The following TAF2 variants were observed in gnomAD, a reference collection of about 807,000 sequenced individuals.
TAF2 encodes the protein transcription initiation factor TFIID subunit 2.
A neutral mutation model predicts 138.5 loss-of-function variants in TAF2; 61 were observed. That is an observed-to-expected ratio of 0.44 (90% CI 0.36 to 0.54). TAF2 has a LOEUF of 0.54. TAF2 is among the 20% of genes least tolerant of loss of function. TAF2 has a pLI of 0.00. For synonymous variants in TAF2, 475 were observed against 469.9 expected, an observed-to-expected ratio of 1.01 and a Z score of -0.14; for missense variants, 1,090 against 1,427.9, an observed-to-expected ratio of 0.76 and a Z score of 3.81.
Position 119,781,069 on chromosome 8 carries a change from C to A in TAF2, c.2237G>T (p.Ser746Ile). ...AAACTGTACCTTCTGTAGAAAATAG[C>A]TTTGAAAGCTCATAAAGTTGTTTGT... ...VKTNNFMSFQSYFLQKTMPVA... is the reference protein window; with the variant it reads ...VKTNNFMSFQIYFLQKTMPVA... The change falls in exon 17 of 26, where the codon AGC becomes ATC. Residue 746 changes from serine (S) to isoleucine (I), a missense_variant. Physicochemically the swap from Ser to Ile is moderately radical, Grantham distance 142 (BLOSUM62 -2). Coordinates refer to ENST00000378164, the MANE Select transcript of TAF2 (RefSeq NM_003184.4). 6.2e-7 allele frequency: 1 copy of A among 1,612,934 alleles called. No individual in the cohort carries two copies. The highest frequency in any genetic ancestry group is 1.1e-5 in the South Asian group (1 of 90,980).
chr8:119,788,533 AG>A, intron 13 of TAF2, 86 bp from the exon 14 acceptor site: 3 of 1,178,750 alleles, frequency 2.5e-6, no homozygotes, highest in East Asian at 2.4e-5. Flanking sequence ...ATATAAATCA[AG>A]ATATAAAATA....
At chr8:119,798,974 A>G (rs1299110153) in intron 6 of TAF2, among the ~76,000 whole-genome samples, 1 of 152,168 alleles carries the variant, frequency 6.6e-6, no homozygotes, top group Non-Finnish European at 1.5e-5. Context: ...GACAAATCCT[A>G]CAAGACAGCA....
In TAF2 at chr8:119,788,882, AT is replaced by A. The variant is rs1823221033; in HGVS notation, c.1590del (p.Lys530AsnfsTer19). ...CTATTAAATGCAAAACTTCCATAAA[AT>A]TTTACCACTCCACTCTGATCTCTGA... Reference protein sequence around the residue: ...KQWVDQSGVVKFYGSFAFNRK... With the variant: ...KQWVDQSGVVXFYGSFAFNRK... On this transcript the variant is annotated frameshift_variant, in exon 13 of 26. Coordinates refer to ENST00000378164, the MANE Select transcript of TAF2 (RefSeq NM_003184.4). LOFTEE classifies it high-confidence loss of function. The A allele has an allele frequency of 6.2e-7, 1 of 1,612,288 alleles. No individual in the cohort carries two copies. Among genetic ancestry groups the A allele is most frequent in the Non-Finnish European group, 8.5e-7 (1 of 1,178,416 alleles).
At position 119,791,447 on chromosome 8, in the gene TAF2, A is replaced by G. The variant is rs1243785229; in HGVS notation, c.1290T>C (p.His430=). Residue 430 remains histidine (H), a synonymous_variant, in exon 11 of 26, where the codon CAT becomes CAC. Coordinates refer to ENST00000378164, the MANE Select transcript of TAF2 (RefSeq NM_003184.4). ...GGKEKDNPAS[H]LHFSIKHPHT... ...GTGGATGCTTTATTGAAAAGTGTAG[A>G]TGGGAAGCCGGACTAAAAAAAATAA... is the stretch of plus-strand genomic sequence containing the variant. The G allele has an allele frequency of 1.2e-6, 2 of 1,613,636 alleles. No homozygotes were observed. The highest frequency in any genetic ancestry group is 1.7e-6 in the Non-Finnish European group (2 of 1,179,762).
intron 15 of TAF2, among the ~76,000 whole-genome samples, chr8:119,784,577 G>C (rs1257885716): frequency 1.3e-5 from 2 of 152,112 alleles, no homozygotes; most frequent in Non-Finnish European, 2.9e-5. Context: ...TGGCAATCAA[G>C]TTAGTAAATA....
At chr8:119,814,766 G>A (rs1191277156) in intron 3 of TAF2, among the ~76,000 whole-genome samples, 18 of 147,428 alleles carry the variant, frequency 1.2e-4, no homozygotes, top group Non-Finnish European at 7.4e-5. Context: ...AAAATTAGCC[G>A]GGTGTGGTGG....
chr8:119,821,544 T>C (rs982341684), intron 2 of TAF2, among the ~76,000 whole-genome samples: 3 of 152,202 alleles, frequency 2.0e-5, no homozygotes, highest in Non-Finnish European at 4.4e-5. Flanking sequence ...GGGTCACTTA[T>C]AGGATTTTAT....
chr8:119,780,659 G>C (rs1822575952), intron 17 of TAF2, among the ~76,000 whole-genome samples: 1 of 152,146 alleles, frequency 6.6e-6, no homozygotes, highest in Non-Finnish European at 1.5e-5. Flanking sequence ...AAAGAGGCCG[G>C]GCGCGGTGGC....
intron 9 of TAF2, among the ~76,000 whole-genome samples, chr8:119,794,194 G>A (rs1025538275): frequency 1.3e-5 from 2 of 152,038 alleles, no homozygotes; most frequent in East Asian, 1.9e-4. Flanking sequence ...TCAGAAGTTC[G>A]AGACCATCCT....
intron 2 of TAF2, among the ~76,000 whole-genome samples, chr8:119,820,899 G>GT (rs1825767715): frequency 6.6e-6 from 1 of 152,214 alleles, no homozygotes; most frequent in African/African-American, 2.4e-5. Flanking sequence ...ATGAGCTGCT[G>GT]TAGGAAGGAA....
Position 119,746,691 on chromosome 8 carries a change from C to T in TAF2, c.3108+14G>A, listed in dbSNP as rs1819999252. The T allele has an allele frequency of 1.2e-6, 2 of 1,606,760 alleles. No homozygotes were observed. Among genetic ancestry groups the T allele is most frequent in the South Asian group, 1.1e-5 (1 of 90,940 alleles). ...TAATGAAACTACGTCTTCTGTAATA[C>T]ATGTGATTCTTACAGGGTTCTGAAA... is the stretch of plus-strand genomic sequence containing the variant. On this transcript the variant is annotated intron_variant, in intron 23 of 25. Transcript: ENST00000378164.
At chr8:119,762,328 C>G in intron 19 of TAF2, 87 bp downstream of exon 19, 1 of 1,314,536 alleles carries the variant, frequency 7.6e-7, no homozygotes, top group Non-Finnish European at 1.1e-6. Context: ...TTTTACTTTA[C>G]TATATTTCCC....
intron 18 of TAF2, among the ~76,000 whole-genome samples, chr8:119,764,780 A>G (rs1821310119): frequency 2.0e-5 from 3 of 152,200 alleles, no homozygotes; most frequent in South Asian, 4.1e-4. Flanking sequence ...AATGTATAAA[A>G]CATCTTCCTC....
At position 119,819,418 on chromosome 8, in the gene TAF2, C is replaced by T. The variant is rs1420612591; in HGVS notation, c.227G>A (p.Arg76Lys). ...NSKQCRIYRV[R>K]INDLEAAFIY... ...AAAAGCAGCCTCTAAATCATTGATC[C>T]TTACTCGGTATATTCTACACTGTTT... Residue 76 changes from arginine to lysine, a missense_variant, in exon 3 of 26, where the codon AGG becomes AAG. By Grantham distance (26) the Arg-to-Lys change is conservative. This residue lies in a region of TAF2 where 504 missense variants were observed against 680.9 expected (regional missense o/e 0.74). Transcript: ENST00000378164. The T allele has an allele frequency of 6.2e-7, 1 of 1,612,796 alleles. No homozygotes were observed. The highest frequency in any genetic ancestry group is 1.7e-5 in the Admixed American group (1 of 60,024).
intron 18 of TAF2, among the ~76,000 whole-genome samples, chr8:119,776,347 C>CTTTTTTTTTT (rs35600902): frequency 7.4e-6 from 1 of 134,556 alleles, no homozygotes; most frequent in Non-Finnish European, 1.6e-5. Context: ...CATGCCTGTG[C>CTTTTTTTTTT]TTTTTTTTTT....
chr8:119,740,516 T>C (rs1241694053), intron 25 of TAF2, among the ~76,000 whole-genome samples: 1 of 99,482 alleles, frequency 1.0e-5, no homozygotes, highest in East Asian at 3.1e-4. Context: ...AAAAAAAAAA[T>C]TAGCCGGGTG....
At chr8:119,793,490 A>G in intron 9 of TAF2, 39 bp from the exon 10 acceptor site, 1 of 1,499,410 alleles carries the variant, frequency 6.7e-7, no homozygotes, top group Non-Finnish European at 9.2e-7. Flanking sequence ...TAAAATTTGT[A>G]AAGTAACATT....
intron 25 of TAF2, among the ~76,000 whole-genome samples, chr8:119,733,789 C>CCA (rs1554635048): frequency 6.6e-6 from 1 of 151,864 alleles, no homozygotes; most frequent in East Asian, 1.9e-4. Context: ...CGCCCCCCCC[C>CCA]ATCCTAATCC....
intron 3 of TAF2, among the ~76,000 whole-genome samples, chr8:119,818,093 G>A (rs1383065631): frequency 1.3e-5 from 2 of 152,102 alleles, no homozygotes; most frequent in Non-Finnish European, 2.9e-5. Context: ...ATGATTATTG[G>A]GACCATAAAT....
Sources: allele counts gnomAD v4.1 joint callset (sites outside exome capture counted in the v4.1 genomes callset), GRCh38; gene constraint gnomAD v4.1.1; regional missense constraint gnomAD v4.1.1; transcripts MANE v1.5; gene names NCBI Gene and HGNC (gene_info 2026-07-23, HGNC 2026-07-21).